The following KIF6 variants were observed in gnomAD, a reference collection of about 807,000 sequenced individuals.
The protein encoded by KIF6 is kinesin family member 6.
Under a neutral mutation model 112.7 loss-of-function variants are expected in KIF6, and 106 were observed. The observed-to-expected ratio is 0.94, with a 90% CI of 0.80 to 1.11. KIF6 has a LOEUF of 1.11. KIF6 is among the 50% of genes least tolerant of loss of function. KIF6 has a pLI of 0.00. For missense variants in KIF6, 929 were observed against 964.0 expected (o/e 0.96, Z 0.48); for synonymous variants, 339 against 339.9 (o/e 1.00, Z 0.03).
intron 3 of KIF6, among the ~76,000 whole-genome samples, chr6:39,685,051 C>T (rs1007051305): frequency 1.3e-5 from 2 of 152,148 alleles, no homozygotes; most frequent in African/African-American, 4.8e-5. Flanking sequence ...GGACAGACAA[C>T]TCTTTTCAGG....
intron 3 of KIF6, among the ~76,000 whole-genome samples, chr6:39,660,526 TCA>T (rs146096396): frequency 0.067 from 10,246 of 152,270 alleles, 407 homozygotes; most frequent in Middle Eastern, 0.11. Flanking sequence ...CATAAAATGC[TCA>T]CACAATCTTG....
chr6:39,656,097 T>A (rs2150801406), intron 3 of KIF6, among the ~76,000 whole-genome samples: 1 of 152,326 alleles, frequency 6.6e-6, no homozygotes, highest in South Asian at 2.1e-4. Context: ...CCCATTCATG[T>A]TTTTTAAAAT....
intron 3 of KIF6, among the ~76,000 whole-genome samples, chr6:39,645,585 G>A (rs1317331544): frequency 6.6e-6 from 1 of 152,120 alleles, no homozygotes; most frequent in East Asian, 1.9e-4. Flanking sequence ...TTTTTGCATC[G>A]ATGTTCATCA....
chr6:39,561,261 T>C (rs926380714), intron 10 of KIF6, among the ~76,000 whole-genome samples: 5 of 152,182 alleles, frequency 3.3e-5, no homozygotes, highest in African/African-American at 1.2e-4. Context: ...CAAATCTAGA[T>C]TACATTGAAT....
At chr6:39,368,472 A>G (rs1339646639) in intron 16 of KIF6, among the ~76,000 whole-genome samples, 1 of 152,238 alleles carries the variant, frequency 6.6e-6, no homozygotes, top group Non-Finnish European at 1.5e-5. Flanking sequence ...GAAGGAAGCC[A>G]CAGGGCAGAT....
intron 13 of KIF6, among the ~76,000 whole-genome samples, chr6:39,476,560 G>A (rs555474976): frequency 1.3e-5 from 2 of 152,146 alleles, no homozygotes; most frequent in African/African-American, 2.4e-5. Flanking sequence ...AAGAAATGAA[G>A]CTAGAAGTAG....
Position 39,335,405 on chromosome 6 carries a change from C to G in KIF6, c.*1127G>C, listed in dbSNP as rs1226412590. On this transcript the variant is annotated 3_prime_UTR_variant, in exon 23 of 23. Coordinates refer to ENST00000287152, the MANE Select transcript of KIF6 (RefSeq NM_145027.6). ...TAGAAATGTAATGGTTTAATCTTCT[C>G]CTGCATGATCCTGTTACCCAGTCCT... 6.6e-6 allele frequency: 1 copy of G among 152,152 alleles called. No homozygotes were observed. Among genetic ancestry groups the G allele is most frequent in the African/African-American group, 2.4e-5 (1 of 41,426 alleles). The allele number at this position is 152,152 out of a possible 1,614,324, so 9.4% of individuals were successfully genotyped here.
chr6:39,434,487 C>T (rs979136667), intron 13 of KIF6, among the ~76,000 whole-genome samples: 1 of 152,048 alleles, frequency 6.6e-6, no homozygotes, highest in Admixed American at 6.6e-5. Flanking sequence ...AGGAGAATCA[C>T]TTGAACCCAG....
intron 15 of KIF6, among the ~76,000 whole-genome samples, chr6:39,395,853 C>T (rs888044683): frequency 1.3e-5 from 2 of 152,162 alleles, no homozygotes; most frequent in Non-Finnish European, 2.9e-5. Flanking sequence ...ATAAAATCAA[C>T]CCCAAGCACT....
In KIF6 at chr6:39,420,573, G is replaced by A. The variant is rs182785988; in HGVS notation, c.1755-570C>T. On this transcript the variant is annotated intron_variant, in intron 14 of 22. Transcript: ENST00000287152. ...TGTGACAGAGACTGCGTGGCCTACA[G>A]GGCTGAAAATATTTTCTACCTCACC... Among the ~76,000 whole-genome samples the A allele has an allele frequency of 2.0e-5, 3 of 152,266 alleles. No homozygotes were observed. In the East Asian group the frequency reaches 5.8e-4, roughly 29 times the overall value.
intron 13 of KIF6, among the ~76,000 whole-genome samples, chr6:39,518,506 T>C (rs575455862): frequency 6.6e-6 from 1 of 152,312 alleles, no homozygotes; most frequent in East Asian, 1.9e-4. Context: ...TACTTTAATA[T>C]GAGGAAAACG....
At chr6:39,565,812 T>C (rs935449828) in intron 10 of KIF6, among the ~76,000 whole-genome samples, 17 of 152,232 alleles carry the variant, frequency 1.1e-4, no homozygotes, top group African/African-American at 4.1e-4. Flanking sequence ...TATACAGATG[T>C]TGAAATGCTA....
chr6:39,601,942 G>A (rs1000483861), intron 6 of KIF6, among the ~76,000 whole-genome samples: 1 of 152,060 alleles, frequency 6.6e-6, no homozygotes, highest in Non-Finnish European at 1.5e-5. Flanking sequence ...TCTCCACCCG[G>A]TTAGGTAACT....
chr6:39,362,147 G>C (rs1425169057), intron 17 of KIF6, among the ~76,000 whole-genome samples: 1 of 152,084 alleles, frequency 6.6e-6, no homozygotes, highest in Non-Finnish European at 1.5e-5. Flanking sequence ...ATAGGCACGC[G>C]GAAAACCACC....
At chr6:39,341,205 C>T (rs928880425) in intron 22 of KIF6, among the ~76,000 whole-genome samples, 1 of 152,188 alleles carries the variant, frequency 6.6e-6, no homozygotes, top group Non-Finnish European at 1.5e-5. Flanking sequence ...CACCCTCTCC[C>T]CAGCCACTCC....
intron 3 of KIF6, among the ~76,000 whole-genome samples, chr6:39,701,239 T>G (rs1788859913): frequency 6.6e-6 from 1 of 152,218 alleles, no homozygotes; most frequent in Non-Finnish European, 1.5e-5. Flanking sequence ...ACCTATGGGA[T>G]AGCCACCTCC....
chr6:39,377,158 C>T (rs1358935981), intron 16 of KIF6, among the ~76,000 whole-genome samples: 1 of 152,150 alleles, frequency 6.6e-6, no homozygotes, highest in Admixed American at 6.5e-5. Flanking sequence ...AAGGAATCTT[C>T]CCGCCTTAGC....
chr6:39,537,296 T>C, intron 13 of KIF6, among the ~76,000 whole-genome samples: 1 of 152,206 alleles, frequency 6.6e-6, no homozygotes, highest in Non-Finnish European at 1.5e-5. Context: ...GCAGATGACA[T>C]GATTGTATAT....
At chr6:39,487,990 C>CTATCTATCTATCTATCTATCT (rs138455005) in intron 13 of KIF6, among the ~76,000 whole-genome samples, 1 of 150,876 alleles carries the variant, frequency 6.6e-6, no homozygotes, top group African/African-American at 2.4e-5. Context: ...CATTTATAGG[C>CTATCTATCTATCTATCTATCT]ATCTATCTAT....
Sources: allele counts gnomAD v4.1 joint callset (sites outside exome capture counted in the v4.1 genomes callset), GRCh38; gene constraint gnomAD v4.1.1; transcripts MANE v1.5; gene names NCBI Gene and HGNC (gene_info 2026-07-23, HGNC 2026-07-21).